SHROOM4: variants seen among roughly 807,000 people sequenced by gnomAD.
The protein encoded by SHROOM4 is protein Shroom4.
Under a neutral mutation model 80.3 loss-of-function variants are expected in SHROOM4, and 17 were observed. That is an observed-to-expected ratio of 0.21 (90% CI 0.14 to 0.32). The LOEUF (loss-of-function observed/expected upper bound fraction) is 0.32, where lower values mean the gene tolerates loss of function less well. SHROOM4 is among the 10% of genes least tolerant of loss of function. The pLI, the probability that SHROOM4 is intolerant of heterozygous loss-of-function variation, is 1.00. For missense variants in SHROOM4, 993 were observed against 1,140.3 expected, an observed-to-expected ratio of 0.87 and a Z score of 1.86; for synonymous variants, 400 against 437.5, an observed-to-expected ratio of 0.91 and a Z score of 1.07.
chrX:50,603,058 C>T (rs1001558740), intron 6 of SHROOM4, among the ~76,000 whole-genome samples: 2 of 111,752 alleles, frequency 1.8e-5, no homozygotes, highest in Admixed American at 1.9e-4. Context: ...AGACTTCTTT[C>T]GAGATAATTT....
rs782675788 is a variant in SHROOM4, at chrX:50,738,986, TA to T, written c.118-43050del. On this transcript the variant is annotated intron_variant, in intron 1 of 8. Transcript: ENST00000376020. Reference sequence around the variant, plus strand: ...TGGTACTGCTACCAAAACAGAGATATAGACCAATGGAACAGAACAGAGCCCT... The same window carrying T: ...TGGTACTGCTACCAAAACAGAGATATGACCAATGGAACAGAACAGAGCCCT... 1.3e-4 allele frequency among the ~76,000 whole-genome samples: 15 copies of T among 111,336 alleles called. No individual in the cohort carries two copies. The South Asian group carries it at 5.7e-3, about 42-fold the overall frequency.
rs574400390 is a variant in SHROOM4, at chrX:50,588,541, A to G, written c.*8154T>C. On this transcript the variant is annotated 3_prime_UTR_variant, in exon 9 of 9. Transcript: ENST00000376020. ...ACAATGTGTAAGTGGTGGAGCCAGTATGAAAACCTACGTGGTGTGGGTTCC... is the reference window on the plus strand; with the variant it reads ...ACAATGTGTAAGTGGTGGAGCCAGTGTGAAAACCTACGTGGTGTGGGTTCC... Among the ~76,000 whole-genome samples, 73 of 111,961 alleles carry G rather than the reference A, an allele frequency of 6.5e-4. No individual in the cohort carries two copies. The highest frequency in any genetic ancestry group is 1.3e-3 in the Non-Finnish European group (67 of 53,164).
At chrX:50,775,160 T>C (rs1334451166) in intron 1 of SHROOM4, among the ~76,000 whole-genome samples, 1 of 111,580 alleles carries the variant, frequency 9.0e-6, no homozygotes, top group African/African-American at 3.3e-5. Context: ...TCCAAAATGC[T>C]GAGTTTAGAC....
chrX:50,731,786 T>A (rs1206555059), intron 1 of SHROOM4, among the ~76,000 whole-genome samples: 3 of 111,842 alleles, frequency 2.7e-5, no homozygotes, highest in Admixed American at 9.5e-5. Flanking sequence ...AATGGATAGC[T>A]ACTAATCTCT....
At chrX:50,763,405 C>CT (rs1247150435) in intron 1 of SHROOM4, among the ~76,000 whole-genome samples, 21 of 110,821 alleles carry the variant, frequency 1.9e-4, no homozygotes, top group African/African-American at 4.3e-4. Flanking sequence ...ATATTGCCTG[C>CT]TTTTTTTTGT....
At chrX:50,623,916 A>C (rs1291452427) in intron 5 of SHROOM4, among the ~76,000 whole-genome samples, 1 of 110,539 alleles carries the variant, frequency 9.0e-6, no homozygotes, top group Non-Finnish European at 1.9e-5. Context: ...CAGGCATAAA[A>C]GACCACATAT....
At position 50,596,694 on chromosome X, in the gene SHROOM4, A is replaced by G. The variant is rs782472324; in HGVS notation, c.*1T>C. On this transcript the variant is annotated 3_prime_UTR_variant, in exon 9 of 9. Transcript: ENST00000376020. ...GATGCTGTGGCAGAGTGCTGGTAGA[A>G]TTAGAAATTGCTGGGCCCCAGGAGT... is the stretch of plus-strand genomic sequence containing the variant. The G allele has an allele frequency of 1.7e-6, 2 of 1,209,770 alleles. No homozygotes were observed. Among genetic ancestry groups the G allele is most frequent in the Non-Finnish European group, 2.2e-6 (2 of 895,553 alleles).
chrX:50,738,791 G>A (rs1557266938), intron 1 of SHROOM4, among the ~76,000 whole-genome samples: 1 of 111,470 alleles, frequency 9.0e-6, no homozygotes, highest in East Asian at 2.8e-4. Context: ...TCCCCATCAA[G>A]CTACCATTGA....
chrX:50,673,213 T>C (rs782568421), intron 2 of SHROOM4, among the ~76,000 whole-genome samples: 1 of 111,902 alleles, frequency 8.9e-6, no homozygotes, highest in South Asian at 3.7e-4. Context: ...TATAACATTG[T>C]CTGATGTGGT....
chrX:50,603,751 T>G (rs976233492), intron 6 of SHROOM4, among the ~76,000 whole-genome samples: 2 of 111,963 alleles, frequency 1.8e-5, no homozygotes, highest in African/African-American at 6.5e-5. Flanking sequence ...AAAAAGTAGT[T>G]CTGGTTCCAT....
intron 2 of SHROOM4, among the ~76,000 whole-genome samples, chrX:50,650,276 A>C (rs1931990368): frequency 8.9e-6 from 1 of 112,373 alleles, no homozygotes; most frequent in Non-Finnish European, 1.9e-5. Context: ...GGTGGAATTA[A>C]GGGTTATTTT....
chrX:50,653,203 T>C (rs2147349040), intron 2 of SHROOM4, among the ~76,000 whole-genome samples: 1 of 112,083 alleles, frequency 8.9e-6, no homozygotes, highest in African/African-American at 3.2e-5. Context: ...TCCATGAGCA[T>C]GGAATGTTTT....
At chrX:50,810,653 C>A (rs2147752713) in intron 1 of SHROOM4, among the ~76,000 whole-genome samples, 1 of 111,983 alleles carries the variant, frequency 8.9e-6, no homozygotes, top group Non-Finnish European at 1.9e-5. Context: ...GAATTACAGG[C>A]TGGCATGGAA....
chrX:50,808,469 T>C (rs1254639037), intron 1 of SHROOM4, among the ~76,000 whole-genome samples: 1 of 111,750 alleles, frequency 8.9e-6, no homozygotes, highest in Non-Finnish European at 1.9e-5. Flanking sequence ...ATTCTAGGTC[T>C]CTACCAAGAA....
At chrX:50,748,770 CA>C (rs782317730) in intron 1 of SHROOM4, among the ~76,000 whole-genome samples, 2 of 112,448 alleles carry the variant, frequency 1.8e-5, no homozygotes, top group African/African-American at 6.5e-5. Context: ...CACACATCTC[CA>C]AAGAAATTAT....
Position 50,742,842 on chromosome X carries a change from C to T in SHROOM4, c.118-46905G>A, listed in dbSNP as rs781817351. 2.5e-4 allele frequency among the ~76,000 whole-genome samples: 28 copies of T among 111,740 alleles called. 1 individual carries two copies. The South Asian group carries it at 6.0e-3, about 24-fold the overall frequency. On this transcript the variant is annotated intron_variant, in intron 1 of 8. Coordinates refer to ENST00000376020, the MANE Select transcript of SHROOM4 (RefSeq NM_020717.5). Reference sequence around the variant, plus strand: ...AGGAAGTCACTATGCACAGGCCCCACTTAAACAGTGAGAAGTTATGCTCTA... The same window carrying T: ...AGGAAGTCACTATGCACAGGCCCCATTTAAACAGTGAGAAGTTATGCTCTA...
At chrX:50,738,257 G>T (rs1394288529) in intron 1 of SHROOM4, among the ~76,000 whole-genome samples, 2 of 111,248 alleles carry the variant, frequency 1.8e-5, no homozygotes, top group Non-Finnish European at 3.8e-5. Flanking sequence ...CATTCCCTTT[G>T]AAAACTGGCA....
intron 1 of SHROOM4, among the ~76,000 whole-genome samples, chrX:50,702,403 T>G (rs920834718): frequency 5.4e-5 from 6 of 111,740 alleles, no homozygotes; most frequent in Non-Finnish European, 9.4e-5. Flanking sequence ...AGCAGCTTTA[T>G]TAATAATAGA....
At chrX:50,745,978 C>T (rs782771137) in intron 1 of SHROOM4, among the ~76,000 whole-genome samples, 2 of 111,581 alleles carry the variant, frequency 1.8e-5, no homozygotes, top group East Asian at 5.7e-4. Flanking sequence ...TTGTTGAGCT[C>T]TTCACACTAG....
Sources: gnomAD v4.1 joint callset for allele counts (sites outside exome capture counted in the v4.1 genomes callset) on GRCh38, gnomAD v4.1.1 for gene constraint, MANE v1.5 for transcripts, NCBI Gene and HGNC (gene_info 2026-07-23, HGNC 2026-07-21) for gene names.